The following HDAC9 variants were observed in gnomAD, a reference collection of about 807,000 sequenced individuals.
HDAC9 encodes MEF-2 interacting transcription repressor (MITR) protein.
Under a neutral mutation model 139.4 loss-of-function variants are expected in HDAC9, and 41 were observed. The ratio of observed to expected loss-of-function variants is 0.29; its 90% CI spans 0.23 to 0.38. The LOEUF is 0.38. Among genes scored for constraint, HDAC9 ranks in the 10% least tolerant of loss-of-function variants. The pLI is 1.00. For missense variants in HDAC9, 1,147 were observed against 1,297.0 expected, an observed-to-expected ratio of 0.88 and a Z score of 1.78; for synonymous variants, 517 against 476.2, an observed-to-expected ratio of 1.09 and a Z score of -1.12.
At chr7:18,509,483 CTCAT>C (rs1233950394) in intron 2 of HDAC9, 4 of 975,692 alleles carry the variant, frequency 4.1e-6, no homozygotes, top group Non-Finnish European at 4.9e-6. Flanking sequence ...GAGTGATTAT[CTCAT>C]TCAATCAGTA....
intron 2 of HDAC9, among the ~76,000 whole-genome samples, chr7:18,500,170 G>A (rs917836827): frequency 1.3e-5 from 2 of 152,082 alleles, no homozygotes; most frequent in South Asian, 2.1e-4. Context: ...CATAATTATT[G>A]TTATGTCCGT....
chr7:18,545,200 A>G (rs1468472419), intron 2 of HDAC9, among the ~76,000 whole-genome samples: 1 of 152,182 alleles, frequency 6.6e-6, no homozygotes, highest in East Asian at 1.9e-4. Flanking sequence ...GTGAATGGAA[A>G]CACAGTGGCA....
intron 6 of HDAC9, among the ~76,000 whole-genome samples, chr7:18,610,110 A>C (rs1562565742): frequency 1.3e-5 from 2 of 152,152 alleles, no homozygotes; most frequent in Non-Finnish European, 2.9e-5. Context: ...ACATATGTTT[A>C]TTGCGGCACT....
At chr7:18,143,657 G>T (rs1786075476) in intron 1 of HDAC9, among the ~76,000 whole-genome samples, 1 of 151,930 alleles carries the variant, frequency 6.6e-6, no homozygotes, top group Non-Finnish European at 1.5e-5. Context: ...GTGGTGGCGG[G>T]CACCTGTAAT....
At chr7:18,154,071 A>G (rs1335115425) in intron 1 of HDAC9, among the ~76,000 whole-genome samples, 1 of 152,220 alleles carries the variant, frequency 6.6e-6, no homozygotes, top group Non-Finnish European at 1.5e-5. Flanking sequence ...TTCTGTATAG[A>G]AAGATCTATA....
At chr7:18,246,956 G>C (rs1423646377) in intron 2 of HDAC9, among the ~76,000 whole-genome samples, 1 of 152,000 alleles carries the variant, frequency 6.6e-6, no homozygotes, top group East Asian at 1.9e-4. Flanking sequence ...CTTGGATTTG[G>C]GATGAGACAG....
Position 18,648,525 on chromosome 7 carries a change from A to G in HDAC9, c.1309A>G (p.Ile437Val). 1 of 1,613,470 alleles carries G rather than the reference A, an allele frequency of 6.2e-7. No homozygotes were observed. The highest frequency in any genetic ancestry group is 1.1e-5 in the South Asian group (1 of 91,068). ...LATKERISPG[I>V]RGTHKLPRHR... The stretch of plus-strand genomic sequence containing the variant: ...AACAAAAGAGAGAATTTCACCTGGC[A>G]TTAGAGGTACCCACAAATTGCCCCG... Residue 437 changes from isoleucine (I) to valine (V), a missense_variant, in exon 11 of 26, where the codon ATT (isoleucine) becomes GTT (valine). Ile to Val is a conservative substitution (Grantham distance 29, BLOSUM62 3). Around this residue, in one of 7 missense-constraint regions of HDAC9, gnomAD observed 264 missense variants for 273.8 expected, o/e 0.96. Coordinates refer to ENST00000686413, the MANE Select transcript of HDAC9 (RefSeq NM_178425.4).
At chr7:18,325,035 G>T (rs1410210410) in intron 1 of HDAC9, among the ~76,000 whole-genome samples, 1 of 152,072 alleles carries the variant, frequency 6.6e-6, no homozygotes, top group Non-Finnish European at 1.5e-5. Context: ...TATCTAAGCA[G>T]AGAGCTACAT....
At chr7:18,261,019 C>T (rs915590314) in intron 2 of HDAC9, among the ~76,000 whole-genome samples, 4 of 152,202 alleles carry the variant, frequency 2.6e-5, no homozygotes, top group Admixed American at 2.0e-4. Flanking sequence ...TTATTTCTGG[C>T]ATGGCTGGCT....
chr7:18,668,616 T>G (rs1247272723), intron 12 of HDAC9: 3 of 983,342 alleles, frequency 3.1e-6, no homozygotes, highest in Non-Finnish European at 3.6e-6. Context: ...TTGATAGTCT[T>G]TGAATTTAAT....
chr7:18,937,503 G>T (rs1334414431), intron 23 of HDAC9, among the ~76,000 whole-genome samples: 2 of 152,110 alleles, frequency 1.3e-5, no homozygotes, highest in Non-Finnish European at 2.9e-5. Flanking sequence ...TGTCAAACAG[G>T]ATGTTGAGTG....
At chr7:18,732,457 T>G (rs1786150362) in intron 13 of HDAC9, among the ~76,000 whole-genome samples, 1 of 87,340 alleles carries the variant, frequency 1.1e-5, no homozygotes. Context: ...TATGTGTGTA[T>G]ATTTGTATGT....
At chr7:18,438,466 G>A (rs1791427029) in intron 1 of HDAC9, among the ~76,000 whole-genome samples, 1 of 152,068 alleles carries the variant, frequency 6.6e-6, no homozygotes, top group Admixed American at 6.6e-5. Flanking sequence ...GTATTGTAGT[G>A]AAATATTTAT....
At chr7:18,495,619 T>G, upstream of HDAC9, 1 of 381,088 alleles carries the variant, frequency 2.6e-6, no homozygotes, top group African/African-American at 2.2e-5. Flanking sequence ...CGGCCATGCT[T>G]GACCTATTTT....
At position 18,332,933 on chromosome 7, in the gene HDAC9, A is replaced by T. The variant is rs150905316; in HGVS notation, c.-42+42418A>T. Among the ~76,000 whole-genome samples, 583 of 151,628 alleles carry T rather than the reference A, an allele frequency of 3.8e-3. 3 individuals carry two copies. Among genetic ancestry groups the T allele is most frequent in the African/African-American group, 0.014 (567 of 41,464 alleles). On this transcript the variant is annotated intron_variant, in intron 1 of 3. Coordinates refer to the HDAC9 transcript ENST00000413509. The stretch of plus-strand genomic sequence containing the variant: ...TGTGAGGAAATAAATTTACACAAGG[A>T]TCCCTTCTCAGAGTATTTACTAAAG...
At chr7:18,741,112 C>T (rs2129141598) in intron 13 of HDAC9, among the ~76,000 whole-genome samples, 1 of 152,290 alleles carries the variant, frequency 6.6e-6, no homozygotes, top group South Asian at 2.1e-4. Context: ...GTAGAAGCTA[C>T]AACACGTTTT....
chr7:18,731,070 T>C (rs1008871593), intron 13 of HDAC9, among the ~76,000 whole-genome samples: 2 of 151,912 alleles, frequency 1.3e-5, no homozygotes, highest in Admixed American at 1.3e-4. Flanking sequence ...CAAGCCGGAG[T>C]GGGGCACTGT....
chr7:18,984,503 A>G (rs1050002159), intron 25 of HDAC9, among the ~76,000 whole-genome samples: 1 of 152,172 alleles, frequency 6.6e-6, no homozygotes, highest in Non-Finnish European at 1.5e-5. Flanking sequence ...AGAGAGTGTC[A>G]TGGAGGAGGG....
intron 25 of HDAC9, among the ~76,000 whole-genome samples, chr7:18,993,469 A>G (rs1263002869): frequency 6.6e-6 from 1 of 152,186 alleles, no homozygotes; most frequent in East Asian, 1.9e-4. Flanking sequence ...ATATTTTCCA[A>G]CTTACTATGC....
Sources: gnomAD v4.1 joint callset for allele counts (sites outside exome capture counted in the v4.1 genomes callset) on GRCh38, gnomAD v4.1.1 for gene constraint, gnomAD v4.1.1 regional missense constraint, MANE v1.5 for transcripts, NCBI Gene and HGNC (gene_info 2026-07-23, HGNC 2026-07-21) for gene names.